SERPINB12: variants seen among roughly 807,000 people sequenced by gnomAD.
SERPINB12 encodes serpin family B member 12.
In SERPINB12, 57 loss-of-function variants were observed where a neutral mutation model predicts 41.1. The observed-to-expected ratio is 1.39, with a 90% confidence interval of 1.12 to 1.73. The LOEUF (loss-of-function observed/expected upper bound fraction) is 1.73, where lower values mean the gene tolerates loss of function less well. Among genes scored for constraint, SERPINB12 ranks in the 40% most tolerant of loss-of-function variants. The pLI is 0.00. For synonymous variants in SERPINB12, 180 were observed against 181.3 expected, an observed-to-expected ratio of 0.99 and a Z score of 0.06; for missense variants, 536 against 501.9, an observed-to-expected ratio of 1.07 and a Z score of -0.65.
chr18:63,561,344 G>C, intron 5 of SERPINB12, 142 bp downstream of exon 5: 1 of 604,494 alleles, frequency 1.7e-6, no homozygotes, highest in Non-Finnish European at 3.0e-6. Context: ...TTTGCAGAAT[G>C]AGATACCATC....
In SERPINB12 at chr18:63,561,173, T is replaced by C; in HGVS notation, c.533T>C (p.Ile178Thr). 1 of 1,611,454 alleles carries C rather than the reference T, an allele frequency of 6.2e-7. No homozygotes were observed. Among genetic ancestry groups the C allele is most frequent in the Non-Finnish European group, 8.5e-7 (1 of 1,177,610 alleles). Residue 178 changes from isoleucine to threonine, a missense_variant, in exon 5 of 8, where the codon ATT (isoleucine) becomes ACT (threonine). Coordinates refer to ENST00000382768, the MANE Select transcript of SERPINB12 (RefSeq NM_001307928.2). ...QKNPEKSRQE[I>T]NFWVECQSQG... is the part of the protein sequence containing the mutation. ...AACCCTGAAAAATCCAGACAAGAGA[T>C]TAACTTCTGGGTTGAATGTCAATCC...
At chr18:63,537,472 A>G (rs117662135), upstream of SERPINB12, among the ~76,000 whole-genome samples, 1,870 of 152,352 alleles carry the variant, frequency 0.012, 30 homozygotes, top group Admixed American at 0.036. Context: ...GACTGATGAC[A>G]TACCAGGGGT....
rs763338442 is a variant in SERPINB12 at position 63,568,079 on chromosome 18, T to C, written c.*1068T>C. On this transcript the variant is annotated 3_prime_UTR_variant, in exon 8 of 8. Coordinates refer to ENST00000382768, the MANE Select transcript of SERPINB12 (RefSeq NM_001307928.2). Reference sequence around the variant, plus strand: ...AACAGGCTTGAGCCTGGGCATGGTGTCCATAGCAATGCTTGTTGGCTGGGC... The same window carrying C: ...AACAGGCTTGAGCCTGGGCATGGTGCCCATAGCAATGCTTGTTGGCTGGGC... Among the ~76,000 whole-genome samples, 13 of 152,232 alleles carry C rather than the reference T, an allele frequency of 8.5e-5. No individual in the cohort carries two copies. The highest frequency in any genetic ancestry group is 1.6e-4 in the Non-Finnish European group (11 of 68,032).
At chr18:63,526,293 A>T in the SERPINB12 span, among the ~76,000 whole-genome samples, 1 of 152,050 alleles carries the variant, frequency 6.6e-6, no homozygotes, top group Non-Finnish European at 1.5e-5. Context: ...CTTTTTATTT[A>T]TTTATTTACT....
chr18:63,520,394 G>C, the SERPINB12 span, among the ~76,000 whole-genome samples: 1 of 152,230 alleles, frequency 6.6e-6, no homozygotes, highest in Non-Finnish European at 1.5e-5. Context: ...AAAGGGCAAG[G>C]TGTGTTTGGG....
At chr18:63,556,379 C>G (rs1031876534) in intron 2 of SERPINB12, 52 bp downstream of exon 2, 1 of 1,545,090 alleles carries the variant, frequency 6.5e-7, no homozygotes, top group African/African-American at 1.4e-5. Context: ...GGTCCACACT[C>G]AAAGTCAGAC....
At chr18:63,565,636 T>C (rs1467648816) in intron 7 of SERPINB12, 24 bp downstream of exon 7, 2 of 1,589,554 alleles carry the variant, frequency 1.3e-6, no homozygotes, top group Non-Finnish European at 1.7e-6. Context: ...TCCACATCTC[T>C]ACAAAATATT....
the SERPINB12 span, among the ~76,000 whole-genome samples, chr18:63,530,726 C>G: frequency 6.6e-6 from 1 of 152,072 alleles, no homozygotes; most frequent in Non-Finnish European, 1.5e-5. Flanking sequence ...ACACTCAGGC[C>G]CTCCTTCAAG....
In SERPINB12 at chr18:63,568,271, C is replaced by G. The variant is rs933088083; in HGVS notation, c.*1260C>G. ...TGGTGTGCACCTATAGTCCCAGCTA[C>G]TCGGGAGGCTGAGGTGGGAAGATCA... On this transcript the variant is annotated 3_prime_UTR_variant, in exon 8 of 8. Transcript: ENST00000382768. 6.6e-6 allele frequency among the ~76,000 whole-genome samples: 1 copy of G among 152,148 alleles called. No homozygotes were observed. The highest frequency in any genetic ancestry group is 2.4e-5 in the African/African-American group (1 of 41,430).
rs200813197 is a variant in SERPINB12 at position 63,559,681 on chromosome 18, A to T, written c.407A>T (p.Asn136Ile). The change falls in exon 4 of 8, where the codon AAC becomes ATC. Residue 136 changes from asparagine (N) to isoleucine (I), a missense_variant. By Grantham distance (149) the Asn-to-Ile change is moderately radical. Transcript: ENST00000382768. ...ACTGATTACACACTGAGTATTGCCA[A>T]CAGGCTTTATGGAGAGCAGGAATTC... Reference protein sequence around the residue: ...IKTDYTLSIANRLYGEQEFPI... With the variant: ...IKTDYTLSIAIRLYGEQEFPI... The T allele has an allele frequency of 9.3e-6, 15 of 1,614,020 alleles. No individual in the cohort carries two copies. Among genetic ancestry groups the T allele is most frequent in the Non-Finnish European group, 1.3e-5 (15 of 1,180,008 alleles).
chr18:63,565,522 G>A lies in SERPINB12; in HGVS notation c.783G>A (p.Gln261=). ...GCTTCATAGAGGAGGTGAAGGCACA[G>A]ATCCTGGAAATGAGGTACACCAAGG... The part of the protein sequence containing the change: ...RIGFIEEVKA[Q]ILEMRYTKGK... Residue 261 remains glutamine, a synonymous_variant, in exon 7 of 8, where the codon CAG becomes CAA. Transcript: ENST00000382768. 1.2e-6 allele frequency: 2 copies of A among 1,614,100 alleles called. No individual in the cohort carries two copies. The highest frequency in any genetic ancestry group is 2.2e-5 in the South Asian group (2 of 91,070).
intron 1 of SERPINB12, among the ~76,000 whole-genome samples, chr18:63,553,405 T>C (rs1303372274): frequency 6.6e-6 from 1 of 152,142 alleles, no homozygotes; most frequent in African/African-American, 2.4e-5. Flanking sequence ...TTGGCCTGCA[T>C]GAGTAGTCAT....
chr18:63,532,198 T>C, the SERPINB12 span, among the ~76,000 whole-genome samples: 1 of 152,158 alleles, frequency 6.6e-6, no homozygotes, highest in Non-Finnish European at 1.5e-5. Flanking sequence ...GACACAATCA[T>C]ACATTTTAGT....
At chr18:63,550,799 T>C (rs1171191392) in intron 1 of SERPINB12, among the ~76,000 whole-genome samples, 2 of 152,126 alleles carry the variant, frequency 1.3e-5, no homozygotes, top group East Asian at 3.9e-4. Flanking sequence ...CAGCAAACAT[T>C]GTGAATCATG....
chr18:63,521,918 T>G, the SERPINB12 span, among the ~76,000 whole-genome samples: 1 of 152,110 alleles, frequency 6.6e-6, no homozygotes, highest in Admixed American at 6.6e-5. Context: ...TGGAGGAAAG[T>G]AAGATAATTC....
chr18:63,569,225 A>G lies in SERPINB12; in HGVS notation c.*2214A>G, dbSNP rs1911216950. The stretch of plus-strand genomic sequence containing the variant: ...TTTACAATAATGAGGAAAATTAAGA[A>G]TCTTAAATCTTTATGTAAATCAGTA... On this transcript the variant is annotated 3_prime_UTR_variant, in exon 8 of 8. Transcript: ENST00000382768. Among the ~76,000 whole-genome samples the G allele has an allele frequency of 6.6e-6, 1 of 152,196 alleles. No homozygotes were observed. Among genetic ancestry groups the G allele is most frequent in the African/African-American group, 2.4e-5 (1 of 41,442 alleles).
At chr18:63,555,916 A>T (rs1287408525) in intron 1 of SERPINB12, among the ~76,000 whole-genome samples, 1 of 152,216 alleles carries the variant, frequency 6.6e-6, no homozygotes, top group Non-Finnish European at 1.5e-5. Flanking sequence ...TTCTTATGGC[A>T]GCCCCAGGAA....
In SERPINB12 at chr18:63,557,987, G is replaced by A. The variant is rs149162453; in HGVS notation, c.169-365G>A. ...ATCATCAATATAAGAATTTTAATGA[G>A]CTATTTTATTTATTTATTTTTTTAT... On this transcript the variant is annotated intron_variant, in intron 2 of 7. Transcript: ENST00000382768. Among the ~76,000 whole-genome samples the A allele has an allele frequency of 2.3e-3, 345 of 152,192 alleles. 1 individual carries two copies. Among genetic ancestry groups the A allele is most frequent in the African/African-American group, 7.7e-3 (322 of 41,550 alleles).
Position 63,566,695 on chromosome 18 carries a change from G to C in SERPINB12, c.962G>C (p.Arg321Pro), listed in dbSNP as rs755221725. 17 of 1,613,856 alleles carry C rather than the reference G, an allele frequency of 1.1e-5. No individual in the cohort carries two copies. Among genetic ancestry groups the C allele is most frequent in the Non-Finnish European group, 1.4e-5 (16 of 1,179,978 alleles). Reference protein sequence around the residue: ...SEESVVLSFPRFTLEDSYDLN... With the variant: ...SEESVVLSFPPFTLEDSYDLN... ...GAATCGGTGGTCCTGTCCTTCCCCC[G>C]GTTCACCCTGGAAGACAGCTATGAT... The change falls in exon 8 of 8, where the codon CGG (arginine) becomes CCG (proline). Residue 321 changes from arginine to proline, a missense_variant. Arg to Pro is a moderately radical substitution (Grantham distance 103, BLOSUM62 -2). Transcript: ENST00000382768.
Sources: allele counts gnomAD v4.1 joint callset (sites outside exome capture counted in the v4.1 genomes callset), GRCh38; gene constraint gnomAD v4.1.1; transcripts MANE v1.5; gene names NCBI Gene and HGNC (gene_info 2026-07-23, HGNC 2026-07-21).